The following COP1 variants were observed in gnomAD, a reference collection of about 807,000 sequenced individuals.
COP1 encodes the protein E3 ubiquitin-protein ligase COP1.
COP1 carries 24 observed loss-of-function variants against 101.3 expected under a neutral mutation model. That is an observed-to-expected ratio of 0.24 (90% CI 0.17 to 0.33). The LOEUF (loss-of-function observed/expected upper bound fraction) is 0.33, where lower values mean the gene tolerates loss of function less well. Ranked by LOEUF, COP1 falls within the 10% of genes least tolerant of loss-of-function variation. COP1 has a pLI of 1.00. For synonymous variants in COP1, 347 were observed against 341.9 expected (o/e 1.01, Z -0.17); for missense variants, 663 against 906.2 (o/e 0.73, Z 3.45).
chr1:176,048,703 C>T (rs923217371), intron 11 of COP1, among the ~76,000 whole-genome samples: 6 of 152,176 alleles, frequency 3.9e-5, no homozygotes, highest in African/African-American at 1.4e-4. Flanking sequence ...AATACTTTTT[C>T]TCCGCCTACT....
intron 9 of COP1, among the ~76,000 whole-genome samples, chr1:176,090,799 G>C (rs569145764): frequency 3.9e-5 from 6 of 152,298 alleles, no homozygotes; most frequent in Non-Finnish European, 7.4e-5. Context: ...CAGAGACTCA[G>C]AAGAAAAGAC....
At chr1:176,006,072 C>T (rs1178423279) in intron 15 of COP1, among the ~76,000 whole-genome samples, 3 of 152,106 alleles carry the variant, frequency 2.0e-5, no homozygotes, top group African/African-American at 4.8e-5. Context: ...TTAGCTCTTC[C>T]TGCTGAATTG....
chr1:176,171,530 T>C (rs1266108248), intron 3 of COP1, among the ~76,000 whole-genome samples: 1 of 152,224 alleles, frequency 6.6e-6, no homozygotes, highest in Non-Finnish European at 1.5e-5. Flanking sequence ...AGTAGCACTT[T>C]TAATTTCGTT....
chr1:176,162,874 C>T lies in COP1; in HGVS notation c.757G>A (p.Glu253Lys), dbSNP rs1357986580. 2 of 1,592,100 alleles carry T rather than the reference C, an allele frequency of 1.3e-6. No individual in the cohort carries two copies. Among genetic ancestry groups the T allele is most frequent in the Non-Finnish European group, 1.7e-6 (2 of 1,170,968 alleles). ...ELLVQKKKQLEAESHAAQLQI... is the reference protein window; with the variant it reads ...ELLVQKKKQLKAESHAAQLQI... The stretch of plus-strand genomic sequence containing the variant: ...TAAGTTTAGCTACCACTTACTGCTT[C>T]CAGTTGTTTCTTCTTCTGCACTAGT... Residue 253 changes from glutamate (E) to lysine (K), a missense_variant, in exon 5 of 20, where the codon GAA becomes AAA. Around this residue, in one of 4 missense-constraint regions of COP1, gnomAD observed 212 missense variants for 240.7 expected, o/e 0.88. Transcript: ENST00000367669.
chr1:176,132,153 A>G (rs751119320), intron 8 of COP1, among the ~76,000 whole-genome samples: 5 of 151,688 alleles, frequency 3.3e-5, no homozygotes, highest in Non-Finnish European at 5.9e-5. Flanking sequence ...CCAGCTTCCA[A>G]TGTCAAGGGG....
At chr1:176,013,791 A>G (rs1236651099) in intron 15 of COP1, among the ~76,000 whole-genome samples, 3 of 152,240 alleles carry the variant, frequency 2.0e-5, no homozygotes, top group Non-Finnish European at 2.9e-5. Context: ...CAGTGCTTGC[A>G]GAAAAAATTA....
At chr1:176,057,496 G>A (rs1356081986) in intron 11 of COP1, among the ~76,000 whole-genome samples, 1 of 152,206 alleles carries the variant, frequency 6.6e-6, no homozygotes, top group Non-Finnish European at 1.5e-5. Flanking sequence ...CGCCACGCCT[G>A]ATTGGTTTTC....
chr1:175,996,906 T>C (rs1368067179), intron 15 of COP1, among the ~76,000 whole-genome samples: 2 of 152,022 alleles, frequency 1.3e-5, no homozygotes, highest in Admixed American at 1.3e-4. Context: ...TACTTTCAAG[T>C]TCATATGGAA....
rs563968652 is a variant in COP1, at chr1:175,986,880, C to A, written c.2133+63G>T. 4.0e-6 allele frequency: 5 copies of A among 1,240,104 alleles called. No individual in the cohort carries two copies. The African/African-American group carries it at 6.1e-5, about 15-fold the overall frequency. 76.8% of individuals were successfully genotyped at this position (1,240,104 alleles called of 1,614,324 possible). A position where few individuals can be genotyped will look rare whatever the true frequency, so the allele number is the denominator to read the frequency against. ...ATTTATATTTTAAAATTTAATCAAA[C>A]CCTGTGTATACATAATGCATAATAT... On this transcript the variant is annotated intron_variant, in intron 18 of 19. Coordinates refer to ENST00000367669, the MANE Select transcript of COP1 (RefSeq NM_022457.7).
intron 6 of COP1, among the ~76,000 whole-genome samples, chr1:176,147,481 A>C (rs1465620481): frequency 6.6e-6 from 1 of 152,212 alleles, no homozygotes; most frequent in Non-Finnish European, 1.5e-5. Context: ...AAAATGTATT[A>C]ATGACAGTAC....
intron 6 of COP1, among the ~76,000 whole-genome samples, chr1:176,142,391 C>T (rs2039232): frequency 0.14 from 20,770 of 151,634 alleles, 3,497 homozygotes; most frequent in African/African-American, 0.4. Context: ...AAATAAATGG[C>T]CTAAATACAC....
intron 15 of COP1, among the ~76,000 whole-genome samples, chr1:176,003,151 T>C (rs1662176374): frequency 6.6e-6 from 1 of 152,214 alleles, no homozygotes; most frequent in South Asian, 2.1e-4. Flanking sequence ...TGCATAAATG[T>C]CTTCTTTTGA....
At chr1:176,151,468 A>G (rs1455937263) in intron 5 of COP1, among the ~76,000 whole-genome samples, 1 of 152,180 alleles carries the variant, frequency 6.6e-6, no homozygotes, top group Non-Finnish European at 1.5e-5. Context: ...CAATACAGCA[A>G]GTTTTTGTTA....
At chr1:175,986,016 G>A (rs1182219554) in intron 18 of COP1, among the ~76,000 whole-genome samples, 3 of 151,984 alleles carry the variant, frequency 2.0e-5, no homozygotes, top group African/African-American at 4.8e-5. Flanking sequence ...AATCAAGATA[G>A]TAACAAGAAT....
rs866555759 is a variant in COP1 at position 176,085,455 on chromosome 1, C to G, written c.1141+321G>C. 6.6e-5 allele frequency among the ~76,000 whole-genome samples: 10 copies of G among 152,234 alleles called. No individual in the cohort carries two copies. In the Middle Eastern group the frequency reaches 0.017, roughly 259 times the overall value. On this transcript the variant is annotated intron_variant, in intron 10 of 19. Coordinates refer to ENST00000367669, the MANE Select transcript of COP1 (RefSeq NM_022457.7). The stretch of plus-strand genomic sequence containing the variant: ...TTAGCACAGAGGACAGTGCTTAGAA[C>G]TTCATGTTTATTTAATGTTAAATAG...
At chr1:176,187,896 C>T (rs1202428240) in intron 1 of COP1, among the ~76,000 whole-genome samples, 1 of 152,052 alleles carries the variant, frequency 6.6e-6, no homozygotes, top group Admixed American at 6.5e-5. Flanking sequence ...TCTTAACCCC[C>T]AAGGTGGTGT....
chr1:176,149,856 AC>A (rs769166844), intron 5 of COP1, among the ~76,000 whole-genome samples: 2 of 152,086 alleles, frequency 1.3e-5, no homozygotes, highest in Non-Finnish European at 2.9e-5. Flanking sequence ...ACAATAAGAG[AC>A]AGTTTATGAA....
At chr1:175,979,447 C>G (rs1443269434) in intron 18 of COP1, among the ~76,000 whole-genome samples, 1 of 149,126 alleles carries the variant, frequency 6.7e-6, no homozygotes, top group Admixed American at 6.7e-5. Context: ...TACTAAGAAG[C>G]AAGGGATTCC....
intron 8 of COP1, among the ~76,000 whole-genome samples, chr1:176,127,347 C>A (rs183185529): frequency 2.6e-5 from 4 of 152,220 alleles, no homozygotes; most frequent in Admixed American, 2.6e-4. Flanking sequence ...CAACTTCTCC[C>A]CTCTCCCCAT....
Sources: gnomAD v4.1 joint callset for allele counts (sites outside exome capture counted in the v4.1 genomes callset) on GRCh38, gnomAD v4.1.1 for gene constraint, gnomAD v4.1.1 regional missense constraint, MANE v1.5 for transcripts, NCBI Gene and HGNC (gene_info 2026-07-23, HGNC 2026-07-21) for gene names.